The following RAB6B variants were observed in gnomAD, a reference collection of about 807,000 sequenced individuals.
RAB6B encodes the protein RAB6B, member RAS oncogene family, also known as ras-related protein Rab-6B.
Under a neutral mutation model 31.2 loss-of-function variants are expected in RAB6B, and 7 were observed. The observed-to-expected ratio is 0.22, with a 90% CI of 0.13 to 0.42. RAB6B has a LOEUF of 0.42. Among genes scored for constraint, RAB6B ranks in the 10% least tolerant of loss-of-function variants. The pLI is 1.00. For missense variants in RAB6B, 149 were observed against 280.6 expected, an observed-to-expected ratio of 0.53 and a Z score of 3.35; for synonymous variants, 105 against 104.9, an observed-to-expected ratio of 1.00 and a Z score of -0.01.
chr3:133,869,433 CACAGGCCATGTCAGCCACATGGA>C (rs1227047581), intron 1 of RAB6B, among the ~76,000 whole-genome samples: 1 of 152,100 alleles, frequency 6.6e-6, no homozygotes, highest in African/African-American at 2.4e-5. Flanking sequence ...GGCCACATGG[CACAGGCCATGTCAGCCACATGGA>C]GGAGCATGGA....
chr3:133,894,392 C>T (rs2108019517), intron 1 of RAB6B: 1 of 152,440 alleles, frequency 6.6e-6, no homozygotes, highest in Admixed American at 6.5e-5. Flanking sequence ...AGGGACTAAC[C>T]TGGTTTTCAG....
At chr3:133,834,138 C>A (rs746823384) in intron 7 of RAB6B, among the ~76,000 whole-genome samples, 1 of 151,350 alleles carries the variant, frequency 6.6e-6, no homozygotes, top group Non-Finnish European at 1.5e-5. Flanking sequence ...AGAAGGTGGG[C>A]GGGACAAGGA....
At chr3:133,839,310 A>T (rs2280673) in intron 5 of RAB6B, among the ~76,000 whole-genome samples, 196 bp downstream of exon 5, 2 of 152,110 alleles carry the variant, frequency 1.3e-5, no homozygotes, top group East Asian at 1.9e-4. Context: ...GGTGGAAGAC[A>T]GGGCTTCACA....
chr3:133,880,740 G>GCCCTGC (rs10663133), intron 1 of RAB6B, among the ~76,000 whole-genome samples: 46,513 of 151,796 alleles, frequency 0.31, 7,192 homozygotes, highest in South Asian at 0.37. Context: ...GAGGGCACAG[G>GCCCTGC]CCCTGCCCCT....
Position 133,841,652 on chromosome 3 carries a change from C to T in RAB6B, c.141G>A (p.Gly47=), listed in dbSNP as rs1002050373. 1 of 1,613,972 alleles carries T rather than the reference C, an allele frequency of 6.2e-7. No homozygotes were observed. Reference sequence around the variant, plus strand: ...ACATGGTTTTTGACAAGAAGTCAATCCCAATGGTTGCCTGTTAGAGAAAAG... The same window carrying T: ...ACATGGTTTTTGACAAGAAGTCAATTCCAATGGTTGCCTGTTAGAGAAAAG... The part of the protein sequence containing the change: ...SFDNTYQATI[G]IDFLSKTMYL... The change falls in exon 3 of 8, where the codon GGG becomes GGA. Residue 47 remains glycine (G), a synonymous_variant. Coordinates refer to ENST00000285208, the MANE Select transcript of RAB6B (RefSeq NM_016577.4).
intron 1 of RAB6B, among the ~76,000 whole-genome samples, chr3:133,880,492 C>A (rs1350454172): frequency 6.6e-6 from 1 of 152,230 alleles, no homozygotes. Context: ...TGGAAGGAGG[C>A]CTCTAGACTG....
rs1015668800 is a variant in RAB6B, at chr3:133,828,167, G to T, written c.*621C>A. ...ACAGACCTTGGTCTCAGCTCCACAC[G>T]AGGTTGACGACCCACTCTGGCCATG... On this transcript the variant is annotated 3_prime_UTR_variant, in exon 8 of 8. Coordinates refer to ENST00000285208, the MANE Select transcript of RAB6B (RefSeq NM_016577.4). 5.1e-6 allele frequency: 3 copies of T among 593,152 alleles called. No homozygotes were observed. The highest frequency in any genetic ancestry group is 9.0e-6 in the Non-Finnish European group (3 of 332,484). The allele number at this position is 593,152 out of a possible 1,614,324, so 36.7% of individuals were successfully genotyped here. A position where few individuals can be genotyped will look rare whatever the true frequency, so the allele number is the denominator to read the frequency against.
At chr3:133,873,564 G>A (rs1211388760) in intron 1 of RAB6B, among the ~76,000 whole-genome samples, 1 of 152,186 alleles carries the variant, frequency 6.6e-6, no homozygotes, top group Non-Finnish European at 1.5e-5. Flanking sequence ...CTCCTGCCCT[G>A]CAAAAGGTGC....
chr3:133,827,945 C>A lies in RAB6B; in HGVS notation c.*843G>T, dbSNP rs1349884848. 1 of 703,026 alleles carries A rather than the reference C, an allele frequency of 1.4e-6. No individual in the cohort carries two copies. The highest frequency in any genetic ancestry group is 2.0e-5 in the Admixed American group (1 of 50,024). The allele number at this position is 703,026 out of a possible 1,614,324, so 43.5% of individuals were successfully genotyped here. ...TCAGAAGTACACATGGCACCCCAGT[C>A]TATAAACCACGCACCACGCAGCTGC... On this transcript the variant is annotated 3_prime_UTR_variant, in exon 8 of 8. Coordinates refer to ENST00000285208, the MANE Select transcript of RAB6B (RefSeq NM_016577.4).
At chr3:133,867,899 G>A (rs925880469) in intron 1 of RAB6B, among the ~76,000 whole-genome samples, 5 of 152,070 alleles carry the variant, frequency 3.3e-5, no homozygotes, top group African/African-American at 7.2e-5. Flanking sequence ...CTCATTTCTC[G>A]GAGCTGAAGC....
intron 1 of RAB6B, among the ~76,000 whole-genome samples, chr3:133,874,539 A>G (rs1025353379): frequency 2.7e-4 from 41 of 152,272 alleles, no homozygotes; most frequent in African/African-American, 9.4e-4. Flanking sequence ...TGAGTCAGTC[A>G]GTGAGTGGTG....
intron 1 of RAB6B, among the ~76,000 whole-genome samples, chr3:133,876,762 T>C (rs6783493): frequency 0.032 from 4,912 of 152,266 alleles, 254 homozygotes; most frequent in African/African-American, 0.11. Flanking sequence ...TGCAGAAATT[T>C]TGTTGCCACT....
At chr3:133,875,971 T>C (rs898122755) in intron 1 of RAB6B, among the ~76,000 whole-genome samples, 3 of 152,324 alleles carry the variant, frequency 2.0e-5, no homozygotes, top group Non-Finnish European at 4.4e-5. Flanking sequence ...CTTGTACTTA[T>C]GACTCATGAA....
At chr3:133,861,046 T>G (rs1186749191) in intron 2 of RAB6B, among the ~76,000 whole-genome samples, 1 of 152,206 alleles carries the variant, frequency 6.6e-6, no homozygotes, top group Non-Finnish European at 1.5e-5. Context: ...CAGCAGCACC[T>G]GCAGAGGCTG....
At chr3:133,887,809 G>T (rs907215272) in intron 1 of RAB6B, among the ~76,000 whole-genome samples, 1 of 152,184 alleles carries the variant, frequency 6.6e-6, no homozygotes, top group Non-Finnish European at 1.5e-5. Flanking sequence ...TAGTTTAATT[G>T]GTTCTTCCCT....
intron 5 of RAB6B, 66 bp from the exon 6 acceptor site, chr3:133,838,325 G>T: frequency 6.9e-7 from 1 of 1,448,090 alleles, no homozygotes; most frequent in Non-Finnish European, 9.7e-7. Flanking sequence ...ATATGAGGAG[G>T]GACCCACCCA....
In RAB6B at chr3:133,834,660, G is replaced by A; in HGVS notation, c.496-19C>T. On this transcript the variant is annotated intron_variant, in intron 6 of 7. Coordinates refer to ENST00000285208, the MANE Select transcript of RAB6B (RefSeq NM_016577.4). Reference sequence around the variant, plus strand: ...GAAAAAGCTGGAAAGATGAAGAAATGCAGTGTGAACCCCAACCCTGGCCCT... The same window carrying A: ...GAAAAAGCTGGAAAGATGAAGAAATACAGTGTGAACCCCAACCCTGGCCCT... 1 of 1,612,942 alleles carries A rather than the reference G, an allele frequency of 6.2e-7. No individual in the cohort carries two copies. Among genetic ancestry groups the A allele is most frequent in the Non-Finnish European group, 8.5e-7 (1 of 1,178,932 alleles).
chr3:133,835,472 CTGTGTG>C (rs3840183), intron 6 of RAB6B, among the ~76,000 whole-genome samples: 110 of 146,612 alleles, frequency 7.5e-4, no homozygotes, highest in East Asian at 1.0e-3. Flanking sequence ...TGTGGGTTTT[CTGTGTG>C]TGTGTGTGTG....
At chr3:133,889,187 G>A (rs1013057475) in intron 1 of RAB6B, among the ~76,000 whole-genome samples, 5 of 151,704 alleles carry the variant, frequency 3.3e-5, no homozygotes, top group Admixed American at 6.6e-5. Context: ...TTCAATGGCC[G>A]ATGCATTCGG....
Sources: gnomAD v4.1 joint callset for allele counts (sites outside exome capture counted in the v4.1 genomes callset) on GRCh38, gnomAD v4.1.1 for gene constraint, MANE v1.5 for transcripts, NCBI Gene and HGNC (gene_info 2026-07-23, HGNC 2026-07-21) for gene names.